ELOVL2: variants seen among roughly 807,000 people sequenced by gnomAD.
The protein encoded by ELOVL2 is very long chain fatty acid elongase 2.
Under a neutral mutation model 37.7 loss-of-function variants are expected in ELOVL2, and 38 were observed. The ratio of observed to expected loss-of-function variants is 1.01; its 90% CI spans 0.78 to 1.32. ELOVL2 has a LOEUF of 1.32. Among genes scored for constraint, ELOVL2 ranks in the 40% most tolerant of loss-of-function variants. ELOVL2 has a pLI of 0.00. For synonymous variants in ELOVL2, 115 were observed against 122.3 expected (o/e 0.94, Z 0.40); for missense variants, 352 against 363.6 (o/e 0.97, Z 0.26).
intron 7 of ELOVL2, among the ~76,000 whole-genome samples, chr6:10,987,518 G>C (rs1782072777): frequency 6.6e-6 from 1 of 152,104 alleles, no homozygotes; most frequent in Admixed American, 6.5e-5. Flanking sequence ...ACACTGCTTT[G>C]AATGTGTCCC....
intron 5 of ELOVL2, among the ~76,000 whole-genome samples, chr6:10,992,628 A>G (rs1334353366): frequency 6.6e-6 from 1 of 151,658 alleles, no homozygotes; most frequent in East Asian, 1.9e-4. Context: ...GTCTCTATTA[A>G]AAGTACAAAA....
intron 4 of ELOVL2, among the ~76,000 whole-genome samples, chr6:10,998,180 A>G (rs1018710879): frequency 6.6e-6 from 1 of 152,170 alleles, no homozygotes; most frequent in Admixed American, 6.5e-5. Flanking sequence ...TCAGAAGTAG[A>G]TACCAGCACC....
chr6:10,990,578 A>C, intron 5 of ELOVL2, 136 bp from the exon 6 acceptor site: 1 of 784,836 alleles, frequency 1.3e-6, no homozygotes, highest in East Asian at 3.3e-5. Context: ...CAAAATCCAC[A>C]CTAATAAATT....
At position 10,980,810 on chromosome 6, in the gene ELOVL2, T is replaced by C. The variant is rs1781920723; in HGVS notation, c.*2971A>G. The C allele has an allele frequency of 6.6e-6, 1 of 152,648 alleles. No homozygotes were observed. Among genetic ancestry groups the C allele is most frequent in the Non-Finnish European group, 1.5e-5 (1 of 68,044 alleles). 9.5% of individuals were successfully genotyped at this position (152,648 alleles called of 1,614,324 possible). On this transcript the variant is annotated 3_prime_UTR_variant, in exon 8 of 8. Coordinates refer to ENST00000354666, the MANE Select transcript of ELOVL2 (RefSeq NM_017770.4). ...CAACAATCATAGATAATGCTTTTTATCTACAAAGAGAAATGGCTTCTGCAG... is the reference window on the plus strand; with the variant it reads ...CAACAATCATAGATAATGCTTTTTACCTACAAAGAGAAATGGCTTCTGCAG...
chr6:11,015,626 GGACT>G (rs1215567904), intron 1 of ELOVL2: 4 of 152,282 alleles, frequency 2.6e-5, no homozygotes, highest in African/African-American at 9.7e-5. Context: ...CAGTCTCACA[GGACT>G]GACTTCTTAT....
intron 5 of ELOVL2, among the ~76,000 whole-genome samples, chr6:10,993,867 T>TG (rs1782212612): frequency 8.3e-6 from 1 of 119,890 alleles, no homozygotes; most frequent in Non-Finnish European, 1.6e-5. Context: ...ATTTTTTTTT[T>TG]TTTTTTTTTT....
intron 1 of ELOVL2, among the ~76,000 whole-genome samples, chr6:11,012,886 C>T (rs958868767): frequency 6.6e-6 from 1 of 151,966 alleles, no homozygotes; most frequent in Non-Finnish European, 1.5e-5. Context: ...GAGTAATACA[C>T]AAATAAATAA....
chr6:10,989,795 C>G lies in ELOVL2; in HGVS notation c.673G>C (p.Val225Leu). 6.2e-7 allele frequency: 1 copy of G among 1,614,130 alleles called. No homozygotes were observed. The highest frequency in any genetic ancestry group is 8.5e-7 in the Non-Finnish European group (1 of 1,180,014). ...LTITHTMSAV[V>L]KPCGFPFGCL... ...CCGAAGGGGAAGCCACACGGTTTCA[C>G]GACGGCGCTCATGGTGTGCGTGATG... The change falls in exon 7 of 8, where the codon GTG (valine) becomes CTG (leucine). Residue 225 changes from valine (V) to leucine (L), a missense_variant. Val to Leu is a conservative substitution (Grantham distance 32). Transcript: ENST00000354666.
rs1489830791 is a variant in ELOVL2 at position 11,005,554 on chromosome 6, G to C, written c.73C>G (p.Arg25Gly). 3 of 1,611,958 alleles carry C rather than the reference G, an allele frequency of 1.9e-6. No homozygotes were observed. The highest frequency in any genetic ancestry group is 2.2e-5 in the South Asian group (2 of 90,636). ...LDNMFGPRDS[R>G]VRGWFMLDSY... ...TCCAACATGAACCACCCTCTGACTC[G>C]AGAATCTGAAAAGAAACACATACAG... Residue 25 changes from arginine (R) to glycine (G), a missense_variant, in exon 3 of 8, where the codon CGA (arginine) becomes GGA (glycine). By Grantham distance (125) the Arg-to-Gly change is moderately radical. Coordinates refer to ENST00000354666, the MANE Select transcript of ELOVL2 (RefSeq NM_017770.4).
chr6:11,016,934 G>C (rs936485033), intron 1 of ELOVL2, among the ~76,000 whole-genome samples: 17 of 148,542 alleles, frequency 1.1e-4, no homozygotes, highest in African/African-American at 4.2e-4. Context: ...TGCCTTTTCA[G>C]GGCCTATCCA....
At chr6:11,042,724 G>C (rs1245017951) in intron 1 of ELOVL2, among the ~76,000 whole-genome samples, 1 of 151,818 alleles carries the variant, frequency 6.6e-6, no homozygotes, top group African/African-American at 2.4e-5. Flanking sequence ...CTCCTGTCGG[G>C]AGTATCTCCC....
chr6:11,005,101 G>A (rs1395742167), intron 3 of ELOVL2, among the ~76,000 whole-genome samples: 3 of 152,106 alleles, frequency 2.0e-5, no homozygotes, highest in Non-Finnish European at 2.9e-5. Flanking sequence ...GGAGGCTGCA[G>A]TGAGCTGAGA....
chr6:11,026,271 AAGG>A (rs1782836888), intron 1 of ELOVL2, among the ~76,000 whole-genome samples: 1 of 152,154 alleles, frequency 6.6e-6, no homozygotes, highest in Non-Finnish European at 1.5e-5. Context: ...AAAGTTAAAG[AAGG>A]AGATGTTAGA....
At chr6:11,013,976 G>A (rs890702331) in intron 1 of ELOVL2, among the ~76,000 whole-genome samples, 5 of 151,928 alleles carry the variant, frequency 3.3e-5, no homozygotes, top group Admixed American at 6.6e-5. Context: ...AATTCTCTGC[G>A]AAATAACCCT....
rs1199136581 is a variant in ELOVL2 at position 10,982,498 on chromosome 6, T to C, written c.*1283A>G. ...TATAAATTAATCTTCAAAAAAATCTTCAGAAAATATTCTTTGTTTCCATTC... is the reference window on the plus strand; with the variant it reads ...TATAAATTAATCTTCAAAAAAATCTCCAGAAAATATTCTTTGTTTCCATTC... On this transcript the variant is annotated 3_prime_UTR_variant, in exon 8 of 8. Transcript: ENST00000354666. 3 of 152,186 alleles carry C rather than the reference T, an allele frequency of 2.0e-5. No individual in the cohort carries two copies. Among genetic ancestry groups the C allele is most frequent in the African/African-American group, 7.2e-5 (3 of 41,450 alleles). 9.4% of individuals were successfully genotyped at this position (152,186 alleles called of 1,614,324 possible).
chr6:11,006,980 C>G (rs74941562), intron 2 of ELOVL2, among the ~76,000 whole-genome samples: 2 of 152,220 alleles, frequency 1.3e-5, no homozygotes, highest in African/African-American at 4.8e-5. Flanking sequence ...TTCTAATTCA[C>G]ATATTATTAT....
chr6:10,989,818 A>G lies in ELOVL2; in HGVS notation c.650T>C (p.Ile217Thr), dbSNP rs758579457. 3.7e-6 allele frequency: 6 copies of G among 1,614,178 alleles called. No individual in the cohort carries two copies. In the Admixed American group the frequency reaches 6.7e-5, roughly 18 times the overall value. The change falls in exon 7 of 8, where the codon ATC becomes ACC. Residue 217 changes from isoleucine to threonine, a missense_variant. By Grantham distance (89) the Ile-to-Thr change is moderately conservative. Coordinates refer to ENST00000354666, the MANE Select transcript of ELOVL2 (RefSeq NM_017770.4). The stretch of plus-strand genomic sequence containing the variant: ...CACGACGGCGCTCATGGTGTGCGTG[A>G]TGGTGAGCACGAACTGCACCTGGGG... ...QAQLVQFVLTITHTMSAVVKP... is the reference protein window; with the variant it reads ...QAQLVQFVLTTTHTMSAVVKP...
At chr6:11,013,932 C>T (rs897957166) in intron 1 of ELOVL2, among the ~76,000 whole-genome samples, 1 of 152,070 alleles carries the variant, frequency 6.6e-6, no homozygotes, top group African/African-American at 2.4e-5. Context: ...AACTTAGCCT[C>T]CCCAGATGAC....
Position 11,044,221 on chromosome 6 carries a change from C to A in ELOVL2, c.3+7G>T, listed in dbSNP as rs754337515. ...CGGTGTCGGTGGCGGCGCGCGGCCC[C>A]ACTCACCATGATCCGCAGCGGCTGT... On this transcript the variant is annotated splice_region_variant and intron_variant, in intron 1 of 7. Transcript: ENST00000354666. The surrounding 1 kb of genome is among the most constrained non-coding windows in gnomAD (Gnocchi z 5.6). 7.0e-7 allele frequency: 1 copy of A among 1,426,910 alleles called. No individual in the cohort carries two copies. The highest frequency in any genetic ancestry group is 1.5e-5 in the African/African-American group (1 of 67,538). 88.4% of individuals were successfully genotyped at this position (1,426,910 alleles called of 1,614,324 possible).
Sources: allele counts gnomAD v4.1 joint callset (sites outside exome capture counted in the v4.1 genomes callset), GRCh38; gene constraint gnomAD v4.1.1; non-coding constraint Gnocchi (gnomAD v3.1); transcripts MANE v1.5; gene names NCBI Gene and HGNC (gene_info 2026-07-23, HGNC 2026-07-21).